Variants in DPP6 observed in about 807,000 individuals in gnomAD.
The protein encoded by DPP6 is A-type potassium channel modulatory protein DPP6.
A neutral mutation model predicts 122.6 loss-of-function variants in DPP6; 69 were observed. That is an observed-to-expected ratio of 0.56 (90% CI 0.46 to 0.69). The LOEUF is 0.69. Ranked by LOEUF, DPP6 falls within the 30% of genes least tolerant of loss-of-function variation. The pLI is 0.00. For missense variants in DPP6, 928 were observed against 1,116.9 expected (o/e 0.83, Z 2.41); for synonymous variants, 418 against 433.1 (o/e 0.97, Z 0.43).
At chr7:153,990,007 G>T (rs1797079705) in intron 1 of DPP6, among the ~76,000 whole-genome samples, 1 of 111,970 alleles carries the variant, frequency 8.9e-6, no homozygotes, top group Non-Finnish European at 1.8e-5. Context: ...CTTGCCCTCA[G>T]TCCTGCCCCC....
chr7:154,546,962 G>T (rs1829246951), intron 4 of DPP6, among the ~76,000 whole-genome samples: 1 of 152,202 alleles, frequency 6.6e-6, no homozygotes, highest in Non-Finnish European at 1.5e-5. Flanking sequence ...AGTCCTCTCA[G>T]CCCTGAAACA....
At chr7:154,705,334 C>T (rs1171215634) in intron 7 of DPP6, among the ~76,000 whole-genome samples, 1 of 152,212 alleles carries the variant, frequency 6.6e-6, no homozygotes, top group African/African-American at 2.4e-5. Flanking sequence ...CTGCCTCCAT[C>T]CTTATCTCCT....
intron 1 of DPP6, among the ~76,000 whole-genome samples, chr7:153,947,460 T>C (rs1801999791): frequency 6.6e-6 from 1 of 152,182 alleles, no homozygotes; most frequent in Non-Finnish European, 1.5e-5. Flanking sequence ...TCTTAAGTTC[T>C]CTAGCCAGGC....
intron 8 of DPP6, among the ~76,000 whole-genome samples, chr7:154,738,929 G>A (rs1258300752): frequency 6.6e-6 from 1 of 152,168 alleles, no homozygotes; most frequent in African/African-American, 2.4e-5. Context: ...ATTTAAAACA[G>A]CAAAGTGTAT....
intron 1 of DPP6, among the ~76,000 whole-genome samples, chr7:154,328,805 C>T (rs772197840): frequency 2.0e-5 from 3 of 152,082 alleles, no homozygotes; most frequent in South Asian, 2.1e-4. Context: ...GAAGAGAAGC[C>T]GGTGGTCACA....
intron 1 of DPP6, among the ~76,000 whole-genome samples, chr7:154,163,174 C>CTCTA (rs1471247663): frequency 6.6e-6 from 1 of 152,104 alleles, no homozygotes; most frequent in Non-Finnish European, 1.5e-5. Context: ...TTGAGTGGAA[C>CTCTA]TCTACACCTG....
At position 154,822,483 on chromosome 7, in the gene DPP6, A is replaced by G. The variant is rs531446768; in HGVS notation, c.1666+15371A>G. On this transcript the variant is annotated intron_variant, in intron 16 of 25. Transcript: ENST00000377770. The stretch of plus-strand genomic sequence containing the variant: ...TAAGGCCCGACCCCCTAACACTGTC[A>G]CCTTGTGGGTAAGGATTTCAACAGA... Among the ~76,000 whole-genome samples, 149 of 152,152 alleles carry G rather than the reference A, an allele frequency of 9.8e-4. 2 individuals carry two copies. The highest frequency in any genetic ancestry group is 3.5e-3 in the African/African-American group (147 of 41,530).
At chr7:154,171,508 T>A (rs1797533092) in intron 1 of DPP6, among the ~76,000 whole-genome samples, 1 of 152,206 alleles carries the variant, frequency 6.6e-6, no homozygotes, top group South Asian at 2.1e-4. Context: ...GAGTCCCTGC[T>A]GGGTGGGTAG....
chr7:153,771,669 A>T, the DPP6 span, among the ~76,000 whole-genome samples: 4 of 152,188 alleles, frequency 2.6e-5, no homozygotes, highest in African/African-American at 9.6e-5. Context: ...GAAAGGCTGG[A>T]AAGAAAAGAG....
chr7:154,156,765 A>G (rs1442924749), intron 1 of DPP6, among the ~76,000 whole-genome samples: 3 of 152,050 alleles, frequency 2.0e-5, no homozygotes, highest in Admixed American at 6.6e-5. Flanking sequence ...GGAGGTATAG[A>G]TAGGTAGGTA....
At chr7:154,363,850 C>A (rs1448581783) in intron 1 of DPP6, among the ~76,000 whole-genome samples, 1 of 152,172 alleles carries the variant, frequency 6.6e-6, no homozygotes, top group Non-Finnish European at 1.5e-5. Flanking sequence ...ATGTTTTAAA[C>A]TGTAGCCATC....
At chr7:154,295,059 T>C (rs1805451210) in intron 1 of DPP6, among the ~76,000 whole-genome samples, 1 of 152,230 alleles carries the variant, frequency 6.6e-6, no homozygotes, top group Admixed American at 6.5e-5. Context: ...TCCCTTGCTC[T>C]GCAGATGCAT....
chr7:154,474,713 G>C (rs1213970452), intron 2 of DPP6, among the ~76,000 whole-genome samples: 1 of 150,252 alleles, frequency 6.7e-6, no homozygotes, highest in Non-Finnish European at 1.5e-5. Flanking sequence ...TGCAGGTGTG[G>C]GTGAGAAGGC....
chr7:153,827,028 A>C, the DPP6 span, among the ~76,000 whole-genome samples: 1 of 152,208 alleles, frequency 6.6e-6, no homozygotes, highest in Non-Finnish European at 1.5e-5. Context: ...TTTTCTGGGA[A>C]ATTTATGACT....
chr7:154,164,769 ATC>A (rs1382413362), intron 1 of DPP6, among the ~76,000 whole-genome samples: 1 of 152,088 alleles, frequency 6.6e-6, no homozygotes, highest in Non-Finnish European at 1.5e-5. Flanking sequence ...TTCAAGATTC[ATC>A]TGTGTTACAG....
rs138280972 is a variant in DPP6 at position 154,283,922 on chromosome 7, T to A, written c.244-162292T>A. Among the ~76,000 whole-genome samples the A allele has an allele frequency of 1.7e-3, 262 of 152,378 alleles. 2 individuals carry two copies. The highest frequency in any genetic ancestry group is 5.9e-3 in the African/African-American group (245 of 41,594). On this transcript the variant is annotated intron_variant, in intron 1 of 25. Coordinates refer to ENST00000377770, the MANE Select transcript of DPP6 (RefSeq NM_130797.4). Reference sequence around the variant, plus strand: ...CAGGGCTCTTTGCAGATGCATAGCATGAAAGCAGCTGTTTCAGAATTCAAA... The same window carrying A: ...CAGGGCTCTTTGCAGATGCATAGCAAGAAAGCAGCTGTTTCAGAATTCAAA...
At chr7:153,825,532 G>A in the DPP6 span, among the ~76,000 whole-genome samples, 1 of 147,924 alleles carries the variant, frequency 6.8e-6, no homozygotes, top group Admixed American at 6.9e-5. Context: ...CATGCACATG[G>A]CATCTTGCCC....
intron 1 of DPP6, among the ~76,000 whole-genome samples, chr7:153,900,291 T>A (rs1416942775): frequency 6.6e-6 from 1 of 151,968 alleles, no homozygotes; most frequent in Non-Finnish European, 1.5e-5. Flanking sequence ...GCCCTAAAGC[T>A]GCTTTCAGAT....
intron 8 of DPP6, among the ~76,000 whole-genome samples, chr7:154,765,089 CAT>C (rs1229124484): frequency 6.6e-6 from 1 of 152,208 alleles, no homozygotes; most frequent in African/African-American, 2.4e-5. Flanking sequence ...CCACAGCACA[CAT>C]ATGAATGAGA....
Sources: allele counts gnomAD v4.1 joint callset (sites outside exome capture counted in the v4.1 genomes callset), GRCh38; gene constraint gnomAD v4.1.1; transcripts MANE v1.5; gene names NCBI Gene and HGNC (gene_info 2026-07-23, HGNC 2026-07-21).